DAZL: variants seen among roughly 807,000 people sequenced by gnomAD.
DAZL encodes the protein deleted in azoospermia like.
In DAZL, 4 loss-of-function variants were observed where a neutral mutation model predicts 45.0. The ratio of observed to expected loss-of-function variants is 0.09; its 90% CI spans 0.04 to 0.20. The LOEUF is 0.20. DAZL is among the 10% of genes least tolerant of loss of function. The pLI is 1.00. For synonymous variants in DAZL, 122 were observed against 112.4 expected (o/e 1.09, Z -0.54); for missense variants, 326 against 351.3 (o/e 0.93, Z 0.58).
At chr3:16,592,432 G>GC (rs1476466684) in intron 9 of DAZL, among the ~76,000 whole-genome samples, 4 of 152,002 alleles carry the variant, frequency 2.6e-5, no homozygotes, top group South Asian at 2.1e-4. Flanking sequence ...GCTGGGCATA[G>GC]TGGCGGGTGC....
chr3:16,604,828 G>A (rs1201513588), intron 1 of DAZL: 1 of 979,138 alleles, frequency 1.0e-6, no homozygotes, highest in Non-Finnish European at 1.4e-6. Context: ...GGGAGCGCGT[G>A]GGAGTGGGGG....
At chr3:16,604,798 G>A (rs1694750491) in intron 1 of DAZL, 2 of 1,344,378 alleles carry the variant, frequency 1.5e-6, no homozygotes, top group Non-Finnish European at 1.9e-6. Flanking sequence ...AGTGGGGGAG[G>A]GGCGGAGGCG....
intron 10 of DAZL, 124 bp downstream of exon 10, chr3:16,591,926 A>T: frequency 8.8e-7 from 1 of 1,133,540 alleles, no homozygotes; most frequent in Non-Finnish European, 1.3e-6. Flanking sequence ...ACTGTGTTAT[A>T]GTCAAATGCC....
intron 1 of DAZL, among the ~76,000 whole-genome samples, chr3:16,603,688 G>T (rs1442078638): frequency 6.6e-6 from 1 of 152,096 alleles, no homozygotes; most frequent in Non-Finnish European, 1.5e-5. Flanking sequence ...TTCATCATAA[G>T]CGAATTCGGT....
chr3:16,589,708 G>A (rs1232109933), intron 10 of DAZL, among the ~76,000 whole-genome samples: 3 of 152,088 alleles, frequency 2.0e-5, no homozygotes, highest in Admixed American at 2.0e-4. Context: ...CAAACAAGCA[G>A]AAAACTCTGG....
In DAZL at chr3:16,605,258, C is replaced by A; in HGVS notation, c.-53G>T. On this transcript the variant is annotated 5_prime_UTR_variant, in exon 1 of 11. Coordinates refer to ENST00000399444, the MANE Select transcript of DAZL (RefSeq NM_001351.4). Reference sequence around the variant, plus strand: ...GGCTCCAGGAGGAGCAGAGGCTGTGCTTGGCGCACCACTTCTGGGGCTGCT... The same window carrying A: ...GGCTCCAGGAGGAGCAGAGGCTGTGATTGGCGCACCACTTCTGGGGCTGCT... The A allele has an allele frequency of 6.2e-7, 1 of 1,612,358 alleles. No homozygotes were observed. The highest frequency in any genetic ancestry group is 8.5e-7 in the Non-Finnish European group (1 of 1,178,386).
intron 6 of DAZL, 22 bp from the exon 7 acceptor site, chr3:16,595,407 AGAAT>A: frequency 7.2e-7 from 1 of 1,388,502 alleles, no homozygotes; most frequent in Non-Finnish European, 1.0e-6. Context: ...GTTTACAGAA[AGAAT>A]GAATAATATA....
intron 1 of DAZL, among the ~76,000 whole-genome samples, chr3:16,599,688 G>A (rs1486360578): frequency 6.6e-6 from 1 of 152,074 alleles, no homozygotes; most frequent in Non-Finnish European, 1.5e-5. Flanking sequence ...TCTGGATTTT[G>A]ATCAGAACTG....
At chr3:16,605,069 G>T in intron 1 of DAZL, 134 bp downstream of exon 1, 1 of 1,162,710 alleles carries the variant, frequency 8.6e-7, no homozygotes. Context: ...GGCCATGGCT[G>T]TGGTGCGTCC....
intron 8 of DAZL, among the ~76,000 whole-genome samples, 195 bp downstream of exon 8, chr3:16,594,338 G>A (rs963132594): frequency 1.3e-5 from 2 of 152,016 alleles, no homozygotes; most frequent in Non-Finnish European, 2.9e-5. Flanking sequence ...AAAAACCTGA[G>A]AGAAGAAGGC....
Position 16,598,298 on chromosome 3 carries a change from C to A in DAZL, c.151-120G>T, listed in dbSNP as rs985338153. ...CCATTTATCCCCAAATGACCAGTAG[C>A]TCTTTGTCAAAGATATTTTTAGTAC... On this transcript the variant is annotated intron_variant, in intron 2 of 10. Coordinates refer to ENST00000399444, the MANE Select transcript of DAZL (RefSeq NM_001351.4). The A allele has an allele frequency of 3.6e-6, 5 of 1,394,912 alleles. 1 individual carries two copies. Among genetic ancestry groups the A allele is most frequent in the South Asian group, 3.6e-5 (3 of 83,886 alleles). 86.4% of individuals were successfully genotyped at this position (1,394,912 alleles called of 1,614,324 possible). A position where few individuals can be genotyped will look rare whatever the true frequency, so the allele number is the denominator to read the frequency against.
At chr3:16,604,782 CGTGGGA>C in intron 1 of DAZL, 2 of 1,337,100 alleles carry the variant, frequency 1.5e-6, no homozygotes, top group Non-Finnish European at 1.9e-6. Flanking sequence ...GGCGGAGGCG[CGTGGGA>C]GTGGGGGAGG....
At chr3:16,598,746 CAG>C in intron 1 of DAZL, 148 bp from the exon 2 acceptor site, 1 of 987,164 alleles carries the variant, frequency 1.0e-6, no homozygotes, top group Non-Finnish European at 1.3e-6. Flanking sequence ...TTAAACTTAT[CAG>C]AGTAGATCAG....
chr3:16,598,732 G>A, intron 1 of DAZL, 134 bp from the exon 2 acceptor site: 1 of 1,086,326 alleles, frequency 9.2e-7, no homozygotes, highest in South Asian at 2.0e-5. Flanking sequence ...TTCAGGCTCA[G>A]GATTTAAACT....
chr3:16,600,757 T>C (rs973018431), intron 1 of DAZL, among the ~76,000 whole-genome samples: 1 of 152,256 alleles, frequency 6.6e-6, no homozygotes, highest in Non-Finnish European at 1.5e-5. Context: ...AAACAAGCTA[T>C]ATATACAGTA....
At chr3:16,590,810 A>C (rs1694507090) in intron 10 of DAZL, among the ~76,000 whole-genome samples, 1 of 152,130 alleles carries the variant, frequency 6.6e-6, no homozygotes, top group South Asian at 2.1e-4. Context: ...CCAGGACAGG[A>C]AAATCCTTAG....
chr3:16,594,696 T>A, intron 7 of DAZL, 113 bp from the exon 8 acceptor site: 1 of 622,094 alleles, frequency 1.6e-6, no homozygotes, highest in Non-Finnish European at 2.6e-6. Context: ...TTTGTTGTTA[T>A]AATAAAAGAA....
intron 6 of DAZL, 143 bp from the exon 7 acceptor site, chr3:16,595,528 A>C (rs1575417366): frequency 3.7e-6 from 2 of 539,332 alleles, no homozygotes; most frequent in East Asian, 6.1e-5. Context: ...TGCATGACTG[A>C]CTTTATGAAG....
chr3:16,604,832 G>A (rs943538139), intron 1 of DAZL: 3 of 924,096 alleles, frequency 3.2e-6, no homozygotes, highest in African/African-American at 3.4e-5. Flanking sequence ...GCGCGTGGGA[G>A]TGGGGGCGGG....
Sources: allele counts gnomAD v4.1 joint callset (sites outside exome capture counted in the v4.1 genomes callset), GRCh38; gene constraint gnomAD v4.1.1; transcripts MANE v1.5; gene names NCBI Gene and HGNC (gene_info 2026-07-23, HGNC 2026-07-21).